GABRB2: variants seen among roughly 807,000 people sequenced by gnomAD.
The protein encoded by GABRB2 is gamma-aminobutyric acid receptor subunit beta-2.
In GABRB2, 16 loss-of-function variants were observed where a neutral mutation model predicts 54.7. That is an observed-to-expected ratio of 0.29 (90% CI 0.20 to 0.44). GABRB2 has a LOEUF of 0.44. GABRB2 is among the 20% of genes least tolerant of loss of function. GABRB2 has a pLI of 1.00. For synonymous variants in GABRB2, 244 were observed against 233.8 expected (o/e 1.04, Z -0.40); for missense variants, 355 against 644.0 (o/e 0.55, Z 4.86).
chr5:161,528,343 C>T (rs17522861), intron 3 of GABRB2, among the ~76,000 whole-genome samples: 41,981 of 151,370 alleles, frequency 0.28, 6,272 homozygotes, highest in Admixed American at 0.4. Flanking sequence ...CCGATTTCTA[C>T]AGTGGACATA....
chr5:161,490,140 C>T (rs186009163), intron 3 of GABRB2, among the ~76,000 whole-genome samples: 163 of 151,828 alleles, frequency 1.1e-3, no homozygotes, highest in Non-Finnish European at 1.7e-3. Flanking sequence ...ATGCCACTTA[C>T]CTATACTTAC....
At chr5:161,324,519 G>T (rs1451833109) in intron 9 of GABRB2, among the ~76,000 whole-genome samples, 1 of 152,094 alleles carries the variant, frequency 6.6e-6, no homozygotes, top group East Asian at 1.9e-4. Context: ...TTAGTTTTCA[G>T]TTGAGGAATT....
chr5:161,323,084 G>A (rs1758259267), intron 9 of GABRB2, among the ~76,000 whole-genome samples: 1 of 150,732 alleles, frequency 6.6e-6, no homozygotes, highest in Admixed American at 6.6e-5. Flanking sequence ...GAGTGCAGTG[G>A]TGCGATCTCG....
chr5:161,357,563 A>T (rs1483530140), intron 5 of GABRB2, among the ~76,000 whole-genome samples: 1 of 151,744 alleles, frequency 6.6e-6, no homozygotes, highest in Non-Finnish European at 1.5e-5. Context: ...GTGTTAAGAG[A>T]ATTATTCTAA....
intron 3 of GABRB2, among the ~76,000 whole-genome samples, chr5:161,521,811 T>G (rs557332813): frequency 6.6e-6 from 1 of 152,038 alleles, no homozygotes; most frequent in African/African-American, 2.4e-5. Flanking sequence ...AAGTTTGTAA[T>G]GTCAAAGTCA....
At chr5:161,317,621 C>T (rs913082116) in intron 9 of GABRB2, among the ~76,000 whole-genome samples, 4 of 151,882 alleles carry the variant, frequency 2.6e-5, no homozygotes, top group Middle Eastern at 3.2e-3. Flanking sequence ...TTCAGCTATT[C>T]CAGAAAACAT....
intron 4 of GABRB2, among the ~76,000 whole-genome samples, chr5:161,417,666 C>T (rs537625686): frequency 6.6e-6 from 1 of 152,300 alleles, no homozygotes; most frequent in East Asian, 1.9e-4. Flanking sequence ...CATTCAAATG[C>T]TGTATTTCAC....
intron 3 of GABRB2, among the ~76,000 whole-genome samples, chr5:161,480,467 C>T (rs1486751120): frequency 6.6e-6 from 1 of 151,932 alleles, no homozygotes; most frequent in East Asian, 1.9e-4. Context: ...GGGAGTCCTG[C>T]AGTCTCCTCT....
At chr5:161,545,854 A>T (rs932237953) in intron 2 of GABRB2, among the ~76,000 whole-genome samples, 6 of 152,084 alleles carry the variant, frequency 3.9e-5, no homozygotes, top group African/African-American at 1.4e-4. Flanking sequence ...GGAGTGGATT[A>T]TATCCAGACA....
rs79702750 is a variant in GABRB2, at chr5:161,477,138, C to T, written c.238-17294G>A. 2.9e-3 allele frequency among the ~76,000 whole-genome samples: 439 copies of T among 151,510 alleles called. 6 individuals carry two copies. In the East Asian group the frequency reaches 0.04, roughly 14 times the overall value. On this transcript the variant is annotated intron_variant, in intron 3 of 9. Transcript: ENST00000393959. ...TGGCTGAAGATTTTAATACATTTCT[C>T]CAAAAGATAATATATAAATGACCAA...
intron 5 of GABRB2, among the ~76,000 whole-genome samples, chr5:161,380,502 AACT>A (rs1257891474): frequency 2.6e-5 from 4 of 152,330 alleles, no homozygotes; most frequent in African/African-American, 9.6e-5. Flanking sequence ...TGCAGGTAAC[AACT>A]ACTGCCTTGA....
intron 5 of GABRB2, among the ~76,000 whole-genome samples, chr5:161,354,528 C>T (rs1192630016): frequency 6.6e-6 from 1 of 151,970 alleles, no homozygotes; most frequent in Non-Finnish European, 1.5e-5. Flanking sequence ...TCCTTGTCTC[C>T]CTCAGCTGAT....
intron 3 of GABRB2, among the ~76,000 whole-genome samples, chr5:161,516,005 G>C (rs1759935124): frequency 1.3e-5 from 2 of 152,116 alleles, no homozygotes; most frequent in Non-Finnish European, 2.9e-5. Context: ...TCAAGAGGCA[G>C]TTGCTATAGA....
intron 5 of GABRB2, among the ~76,000 whole-genome samples, chr5:161,354,158 A>T (rs561778198): frequency 3.5e-4 from 54 of 152,124 alleles, no homozygotes; most frequent in Non-Finnish European, 6.5e-4. Context: ...CCTGCTAAAT[A>T]TGCCTAGTCC....
At chr5:161,342,314 AT>A (rs1359301102) in intron 5 of GABRB2, among the ~76,000 whole-genome samples, 2 of 152,022 alleles carry the variant, frequency 1.3e-5, no homozygotes, top group Non-Finnish European at 2.9e-5. Flanking sequence ...TCATAAAATA[AT>A]TTAACACATA....
At chr5:161,437,318 G>A (rs970978902) in intron 4 of GABRB2, among the ~76,000 whole-genome samples, 6 of 151,962 alleles carry the variant, frequency 3.9e-5, no homozygotes, top group African/African-American at 1.2e-4. Context: ...GCCACAGCAG[G>A]ATAGGCCACT....
chr5:161,326,732 C>T (rs952156091), intron 8 of GABRB2, among the ~76,000 whole-genome samples: 7 of 151,970 alleles, frequency 4.6e-5, no homozygotes, highest in African/African-American at 1.7e-4. Flanking sequence ...AGATTACACA[C>T]AATGGATAAA....
At chr5:161,444,795 A>G (rs1439759748) in intron 4 of GABRB2, among the ~76,000 whole-genome samples, 1 of 152,092 alleles carries the variant, frequency 6.6e-6, no homozygotes, top group Non-Finnish European at 1.5e-5. Flanking sequence ...TTTAAACATA[A>G]TAGTCTTTGA....
Position 161,294,360 on chromosome 5 carries a change from A to T in GABRB2, c.1260T>A (p.Ala420=), listed in dbSNP as rs778879790. Residue 420 remains alanine (A), a synonymous_variant, in exon 10 of 10, where the codon GCT becomes GCA. Transcript: ENST00000393959. ...TTCTGGGGTCTCCAAGTCCCATCAC[A>T]GCCTCAGATGTGGCCATTTCATTTT... ...EIKNEMATSE[A]VMGLGDPRST... is the part of the protein sequence containing the mutation. 2.5e-6 allele frequency: 4 copies of T among 1,614,034 alleles called. No homozygotes were observed. In the South Asian group the frequency reaches 4.4e-5, roughly 18 times the overall value.
Sources: gnomAD v4.1 joint callset for allele counts (sites outside exome capture counted in the v4.1 genomes callset) on GRCh38, gnomAD v4.1.1 for gene constraint, MANE v1.5 for transcripts, NCBI Gene and HGNC (gene_info 2026-07-23, HGNC 2026-07-21) for gene names.